The following GRIP1 variants were observed in gnomAD, a reference collection of about 807,000 sequenced individuals.
The protein encoded by GRIP1 is glutamate receptor interacting protein 1.
Under a neutral mutation model 129.9 loss-of-function variants are expected in GRIP1, and 45 were observed. That is an observed-to-expected ratio of 0.35 (90% CI 0.27 to 0.44). The LOEUF is 0.44. GRIP1 is among the 20% of genes least tolerant of loss of function. The pLI, the probability that GRIP1 is intolerant of heterozygous loss-of-function variation, is 1.00. For missense variants in GRIP1, 1,196 were observed against 1,396.8 expected (o/e 0.86, Z 2.29); for synonymous variants, 530 against 520.8 (o/e 1.02, Z -0.24).
chr12:66,350,767 G>A (rs1487824230), intron 24 of GRIP1, among the ~76,000 whole-genome samples: 1 of 152,002 alleles, frequency 6.6e-6, no homozygotes, highest in Admixed American at 6.6e-5. Context: ...CCCCTACCTG[G>A]ACTCCTTGCC....
At chr12:66,558,716 G>A (rs559077780) in intron 2 of GRIP1, among the ~76,000 whole-genome samples, 1 of 152,188 alleles carries the variant, frequency 6.6e-6, no homozygotes, top group South Asian at 2.1e-4. Flanking sequence ...GAAAAGTCCA[G>A]GACCTGATGG....
chr12:66,541,815 C>T lies in GRIP1; in HGVS notation c.272G>A (p.Arg91Lys). The T allele has an allele frequency of 3.1e-6, 5 of 1,613,936 alleles. No homozygotes were observed. In the South Asian group the frequency reaches 5.5e-5, roughly 18 times the overall value. The change falls in exon 3 of 25, where the codon AGA (arginine) becomes AAA (lysine). Residue 91 changes from arginine to lysine, a missense_variant and splice_region_variant. Arg to Lys is a conservative substitution (Grantham distance 26). Coordinates refer to ENST00000359742, the MANE Select transcript of GRIP1 (RefSeq NM_001366722.1). The part of the protein sequence containing the change: ...SNLRQGGIAA[R>K]SDQLDVGDYI... The stretch of plus-strand genomic sequence containing the variant: ...GTAGATTTCCCCAAGAGGCAGTTAC[C>T]TAGCAGCAATTCCTCCTTGCCGCAG...
chr12:66,516,828 A>T (rs2060858064), intron 6 of GRIP1, among the ~76,000 whole-genome samples: 1 of 152,192 alleles, frequency 6.6e-6, no homozygotes. Context: ...ATTTTATATG[A>T]AATATCACTT....
rs2042453968 is a variant in GRIP1, at chr12:66,995,479, A to G, written c.58+73571T>C. 3.3e-5 allele frequency among the ~76,000 whole-genome samples: 5 copies of G among 152,168 alleles called. No individual in the cohort carries two copies. In the South Asian group the frequency reaches 1.0e-3, roughly 31 times the overall value. On this transcript the variant is annotated intron_variant, in intron 1 of 1. Transcript: ENST00000643019. ...TTGGACTTATATCTAGAATGTACAAAGAACTATTAACACTCAATAACAAGA... is the reference window on the plus strand; with the variant it reads ...TTGGACTTATATCTAGAATGTACAAGGAACTATTAACACTCAATAACAAGA...
chr12:66,420,771 G>C lies in GRIP1; in HGVS notation c.1787C>G (p.Pro596Arg), dbSNP rs200955760. The change falls in exon 15 of 25, where the codon CCA (proline) becomes CGA (arginine). Residue 596 changes from proline (P) to arginine (R), a missense_variant. This residue lies in a region of GRIP1 where 508 missense variants were observed against 587.0 expected (regional missense o/e 0.87). Coordinates refer to ENST00000359742, the MANE Select transcript of GRIP1 (RefSeq NM_001366722.1). Reference protein sequence around the residue: ...ITISSPSSRKPGDPLVISDIK... With the variant: ...ITISSPSSRKRGDPLVISDIK... ...ATCTGAAATGACGAGGGGGTCTCCT[G>C]GTTTTCTACTGGATGGTGCTGTAAT... 700 of 1,578,244 alleles carry C rather than the reference G, an allele frequency of 4.4e-4. 12 individuals are homozygous for C. In the South Asian group the frequency reaches 7.1e-3, roughly 16 times the overall value.
chr12:66,829,726 T>A (rs2039483773), intron 1 of GRIP1, among the ~76,000 whole-genome samples: 1 of 152,226 alleles, frequency 6.6e-6, no homozygotes, highest in South Asian at 2.1e-4. Flanking sequence ...CATTTGATCC[T>A]TCAACCATAC....
intron 7 of GRIP1, among the ~76,000 whole-genome samples, chr12:66,485,228 A>C (rs2059919686): frequency 6.6e-6 from 1 of 152,122 alleles, no homozygotes; most frequent in African/African-American, 2.4e-5. Context: ...CATTCAGTTG[A>C]GTGTGTAGTG....
chr12:66,990,778 T>C (rs2042382351), intron 1 of GRIP1, among the ~76,000 whole-genome samples: 1 of 152,058 alleles, frequency 6.6e-6, no homozygotes, highest in Non-Finnish European at 1.5e-5. Context: ...GTGGATGACC[T>C]GAAGTCAAGA....
chr12:66,389,609 A>C (rs2056500275), intron 19 of GRIP1, among the ~76,000 whole-genome samples: 1 of 152,178 alleles, frequency 6.6e-6, no homozygotes, highest in Non-Finnish European at 1.5e-5. Flanking sequence ...TAAAGAAAAA[A>C]AAACACATTC....
At chr12:66,853,491 C>T (rs976382085) in intron 1 of GRIP1, among the ~76,000 whole-genome samples, 9 of 151,944 alleles carry the variant, frequency 5.9e-5, no homozygotes, top group South Asian at 2.1e-4. Flanking sequence ...CTGAGGGAGC[C>T]ATTTTAACAA....
intron 1 of GRIP1, among the ~76,000 whole-genome samples, chr12:66,666,728 C>T (rs1028508072): frequency 2.0e-5 from 3 of 152,030 alleles, no homozygotes; most frequent in African/African-American, 7.2e-5. Context: ...TACATTTTTG[C>T]TTAAGTATAA....
chr12:66,968,269 T>G (rs1439681396), intron 1 of GRIP1, among the ~76,000 whole-genome samples: 1 of 152,168 alleles, frequency 6.6e-6, no homozygotes, highest in Non-Finnish European at 1.5e-5. Context: ...TGACTCCAGC[T>G]TTCTTTTGAT....
At chr12:66,882,989 CA>C (rs2137198870) in intron 1 of GRIP1, among the ~76,000 whole-genome samples, 1 of 152,260 alleles carries the variant, frequency 6.6e-6, no homozygotes, top group South Asian at 2.1e-4. Context: ...AAGTAAGAAA[CA>C]AAACTGGGAG....
intron 1 of GRIP1, among the ~76,000 whole-genome samples, chr12:66,975,637 T>A (rs1437843634): frequency 6.6e-6 from 1 of 151,738 alleles, no homozygotes; most frequent in Non-Finnish European, 1.5e-5. Flanking sequence ...AATAGAGGAG[T>A]GTCAGAAAGT....
chr12:67,066,911 T>TAC (rs1555170056), intron 1 of GRIP1, among the ~76,000 whole-genome samples: 5,301 of 140,474 alleles, frequency 0.038, 201 homozygotes, highest in East Asian at 0.12. Context: ...TATATATATA[T>TAC]ACACACACAC....
At chr12:66,770,666 C>T (rs1219314769) in intron 1 of GRIP1, among the ~76,000 whole-genome samples, 5 of 152,100 alleles carry the variant, frequency 3.3e-5, no homozygotes, top group Admixed American at 6.5e-5. Flanking sequence ...GTAAGCCAAA[C>T]GGGTCAGGGA....
In GRIP1 at chr12:66,822,000, T is replaced by TTGTGTG. The variant is rs145504310; in HGVS notation, c.59-225079_59-225074dup. Among the ~76,000 whole-genome samples, 470 of 150,526 alleles carry TTGTGTG rather than the reference T, an allele frequency of 3.1e-3. 2 individuals are homozygous for TTGTGTG. The highest frequency in any genetic ancestry group is 4.6e-3 in the Non-Finnish European group (313 of 67,440). ...GCCAAGTGATGGAGCCACTTCCATC[T>TTGTGTG]TGTGTGTGTGTGTGTGTGTGTGTAT... On this transcript the variant is annotated intron_variant, in intron 1 of 1. Coordinates refer to the GRIP1 transcript ENST00000643019.
At chr12:66,552,862 C>T (rs2062188010) in intron 2 of GRIP1, among the ~76,000 whole-genome samples, 2 of 152,270 alleles carry the variant, frequency 1.3e-5, no homozygotes, top group Non-Finnish European at 1.5e-5. Flanking sequence ...CACTGCAGAT[C>T]ACCAAGAAGC....
intron 2 of GRIP1, among the ~76,000 whole-genome samples, chr12:66,542,214 T>C (rs2061805403): frequency 6.6e-6 from 1 of 152,172 alleles, no homozygotes; most frequent in South Asian, 2.1e-4. Context: ...GTACAAATAA[T>C]ATTCACCCTT....
Sources: gnomAD v4.1 joint callset for allele counts (sites outside exome capture counted in the v4.1 genomes callset) on GRCh38, gnomAD v4.1.1 for gene constraint, gnomAD v4.1.1 regional missense constraint, MANE v1.5 for transcripts, NCBI Gene and HGNC (gene_info 2026-07-23, HGNC 2026-07-21) for gene names.